RNF130: variants seen among roughly 807,000 people sequenced by gnomAD.
The protein encoded by RNF130 is ring finger protein 130.
Under a neutral mutation model 44.6 loss-of-function variants are expected in RNF130, and 21 were observed. The ratio of observed to expected loss-of-function variants is 0.47; its 90% CI spans 0.33 to 0.68. RNF130 has a LOEUF of 0.68. Among genes scored for constraint, RNF130 ranks in the 30% least tolerant of loss-of-function variants. The probability of loss-of-function intolerance (pLI) is 0.02; values close to 1 mark genes in which losing one functional copy is unlikely to be tolerated. For missense variants in RNF130, 479 were observed against 560.6 expected, an observed-to-expected ratio of 0.85 and a Z score of 1.47; for synonymous variants, 214 against 210.4, an observed-to-expected ratio of 1.02 and a Z score of -0.15.
intron 7 of RNF130, among the ~76,000 whole-genome samples, chr5:179,933,430 G>GTGTGT (rs1582127219): frequency 6.6e-6 from 1 of 151,420 alleles, no homozygotes; most frequent in Non-Finnish European, 1.5e-5. Flanking sequence ...GTGAGTGTGT[G>GTGTGT]GTAAAAAGCA....
chr5:180,001,035 T>C (rs1055622798), intron 3 of RNF130, among the ~76,000 whole-genome samples: 4 of 152,196 alleles, frequency 2.6e-5, no homozygotes, highest in Non-Finnish European at 4.4e-5. Flanking sequence ...GACAAAGATT[T>C]TCGCCTACAG....
At chr5:180,053,830 T>A (rs1055603561) in intron 1 of RNF130, among the ~76,000 whole-genome samples, 6 of 151,796 alleles carry the variant, frequency 4.0e-5, no homozygotes, top group Admixed American at 6.6e-5. Flanking sequence ...ACATTCTTTT[T>A]TTTTTTTTTT....
intron 1 of RNF130, among the ~76,000 whole-genome samples, chr5:180,055,557 G>A (rs952822785): frequency 6.6e-6 from 1 of 152,074 alleles, no homozygotes; most frequent in African/African-American, 2.4e-5. Context: ...TTTCTGAAAT[G>A]CAACAGGGAT....
chr5:179,999,493 G>A (rs115460286), intron 3 of RNF130, among the ~76,000 whole-genome samples: 1,940 of 152,158 alleles, frequency 0.013, 20 homozygotes, highest in Admixed American at 0.02. Context: ...AAACCAAGAC[G>A]GGCGGATCAC....
chr5:179,997,545 G>T (rs572781698), intron 3 of RNF130, among the ~76,000 whole-genome samples: 6 of 152,174 alleles, frequency 3.9e-5, no homozygotes, highest in African/African-American at 7.2e-5. Context: ...AGCCAGGATG[G>T]TCTTGATCTC....
intron 1 of RNF130, among the ~76,000 whole-genome samples, chr5:180,060,381 T>TA (rs1764944383): frequency 6.6e-6 from 1 of 152,224 alleles, no homozygotes; most frequent in African/African-American, 2.4e-5. Flanking sequence ...ACAAAGTACA[T>TA]AGAGTATCCT....
intron 3 of RNF130, among the ~76,000 whole-genome samples, chr5:180,011,067 A>C (rs1763584690): frequency 6.6e-6 from 1 of 152,234 alleles, no homozygotes; most frequent in South Asian, 2.1e-4. Flanking sequence ...ATCTCTTACA[A>C]ATGCAAGCAA....
intron 5 of RNF130, among the ~76,000 whole-genome samples, chr5:179,975,394 AGG>A (rs910720627): frequency 1.1e-4 from 16 of 152,214 alleles, no homozygotes; most frequent in African/African-American, 3.9e-4. Flanking sequence ...TAGAGGGCCA[AGG>A]ACACTGCCAG....
intron 8 of RNF130, among the ~76,000 whole-genome samples, chr5:179,958,067 C>T (rs536991992): frequency 1.9e-4 from 29 of 151,980 alleles, no homozygotes; most frequent in Admixed American, 5.9e-4. Context: ...TTAGTAGAGA[C>T]GGGGTTTCAC....
At chr5:179,936,813 C>T (rs1761896398) in intron 7 of RNF130, among the ~76,000 whole-genome samples, 1 of 152,164 alleles carries the variant, frequency 6.6e-6, no homozygotes, top group African/African-American at 2.4e-5. Flanking sequence ...CAGAAATAAA[C>T]TCATACATCT....
At chr5:179,946,377 G>A (rs997798112) in intron 7 of RNF130, among the ~76,000 whole-genome samples, 2 of 152,250 alleles carry the variant, frequency 1.3e-5, no homozygotes, top group East Asian at 1.9e-4. Flanking sequence ...GAGAAACCCC[G>A]TTTCAAAATG....
rs200809956 is a variant in RNF130, at chr5:180,050,587, TC to T, written c.248-9941del. 5.8e-3 allele frequency among the ~76,000 whole-genome samples: 884 copies of T among 152,302 alleles called. 7 individuals are homozygous for T. The highest frequency in any genetic ancestry group is 0.02 in the African/African-American group (837 of 41,568). ...TGAAACATAGAATTCACCATCACAG[TC>T]CTCCTCACAGCTCACTTTTTTCCTT... On this transcript the variant is annotated intron_variant, in intron 1 of 8. Transcript: ENST00000521389.
chr5:179,976,135 C>T (rs76087345), intron 5 of RNF130, among the ~76,000 whole-genome samples: 1 of 152,212 alleles, frequency 6.6e-6, no homozygotes, highest in Non-Finnish European at 1.5e-5. Context: ...GCCTGGGCAA[C>T]ATAGTGAGAC....
At chr5:179,968,278 G>T (rs1420240101) in intron 6 of RNF130, among the ~76,000 whole-genome samples, 1 of 149,702 alleles carries the variant, frequency 6.7e-6, no homozygotes, top group Non-Finnish European at 1.5e-5. Flanking sequence ...CTGGGCGACA[G>T]AGCAAGACTG....
rs1762556106 is a variant in RNF130, at chr5:179,970,481, C to T, written c.874G>A (p.Asp292Asn). The change falls in exon 6 of 9, where the codon GAT (aspartate) becomes AAT (asparagine). Residue 292 changes from aspartate (D) to asparagine (N), a missense_variant. Asp to Asn is a conservative substitution (Grantham distance 23). This residue lies in a region of RNF130 where 180 missense variants were observed against 275.1 expected (regional missense o/e 0.65). Transcript: ENST00000521389. ...CKHVFHKSCV[D>N]PWLSEHCTCP... Reference sequence around the variant, plus strand: ...GTACAATGTTCACTAAGCCAGGGATCCACGCAGGATTTGTGGAAAACATGC... The same window carrying T: ...GTACAATGTTCACTAAGCCAGGGATTCACGCAGGATTTGTGGAAAACATGC... 1 of 1,613,236 alleles carries T rather than the reference C, an allele frequency of 6.2e-7. No homozygotes were observed. The highest frequency in any genetic ancestry group is 2.2e-5 in the East Asian group (1 of 44,864).
At chr5:179,976,061 C>T (rs3776948) in intron 5 of RNF130, among the ~76,000 whole-genome samples, 30,425 of 152,056 alleles carry the variant, frequency 0.2, 3,262 homozygotes, top group Middle Eastern at 0.25. Flanking sequence ...CAGGCTCATG[C>T]CTGTGATCCC....
chr5:179,943,383 G>A (rs1006119801), intron 7 of RNF130, among the ~76,000 whole-genome samples: 5 of 152,194 alleles, frequency 3.3e-5, no homozygotes, highest in African/African-American at 1.2e-4. Flanking sequence ...GCCAGGAGAG[G>A]TCTGGGACAC....
chr5:180,055,511 A>G (rs1764798937), intron 1 of RNF130, among the ~76,000 whole-genome samples: 1 of 151,802 alleles, frequency 6.6e-6, no homozygotes, highest in South Asian at 2.1e-4. Flanking sequence ...TGTCTGTCTC[A>G]TGTGGTATAC....
chr5:179,940,289 C>T (rs951249406), intron 7 of RNF130, among the ~76,000 whole-genome samples: 1 of 151,176 alleles, frequency 6.6e-6, no homozygotes. Context: ...GGTGCGATCT[C>T]GGCTCACTGC....
Sources: allele counts gnomAD v4.1 joint callset (sites outside exome capture counted in the v4.1 genomes callset), GRCh38; gene constraint gnomAD v4.1.1; regional missense constraint gnomAD v4.1.1; transcripts MANE v1.5; gene names NCBI Gene and HGNC (gene_info 2026-07-23, HGNC 2026-07-21).